Variants in TRDN observed in about 807,000 individuals in gnomAD.
The protein encoded by TRDN is triadin, also known as triadin in skeletal muscle.
TRDN carries 161 observed loss-of-function variants against 149.7 expected under a neutral mutation model. That is an observed-to-expected ratio of 1.08 (90% CI 0.95 to 1.23). The LOEUF (loss-of-function observed/expected upper bound fraction) is 1.23. Ranked by LOEUF, TRDN falls within the 50% of genes most tolerant of loss-of-function variation. The pLI, the probability that TRDN is intolerant of heterozygous loss-of-function variation, is 0.00. For missense variants in TRDN, 896 were observed against 823.5 expected (o/e 1.09, Z -1.08); for synonymous variants, 294 against 250.5 (o/e 1.17, Z -1.64).
At chr6:123,437,770 T>C (rs981754428) in intron 12 of TRDN, among the ~76,000 whole-genome samples, 5 of 152,120 alleles carry the variant, frequency 3.3e-5, no homozygotes, top group African/African-American at 1.2e-4. Flanking sequence ...AAAGCCAATA[T>C]GCAAAAACAG....
chr6:123,514,219 G>T (rs1438373093), intron 6 of TRDN, among the ~76,000 whole-genome samples: 1 of 151,998 alleles, frequency 6.6e-6, no homozygotes, highest in Non-Finnish European at 1.5e-5. Flanking sequence ...ACAAAAATTA[G>T]CTGGGTGTGG....
intron 21 of TRDN, chr6:123,350,242 ATAC>A: frequency 1.0e-6 from 1 of 962,446 alleles, no homozygotes; most frequent in Non-Finnish European, 1.2e-6. Context: ...AGAGAACTGA[ATAC>A]TACATTATTC....
At chr6:123,623,023 C>A (rs1057334713) in intron 1 of TRDN, among the ~76,000 whole-genome samples, 5 of 152,114 alleles carry the variant, frequency 3.3e-5, no homozygotes, top group Non-Finnish European at 7.4e-5. Flanking sequence ...TGCCTCTCCT[C>A]AAATTATGCT....
intron 10 of TRDN, among the ~76,000 whole-genome samples, chr6:123,448,334 C>T (rs35447298): frequency 0.14 from 20,730 of 152,056 alleles, 1,872 homozygotes; most frequent in South Asian, 0.28. Flanking sequence ...TGGGTAGCCT[C>T]GGGCAAGTTT....
At position 123,536,760 on chromosome 6, in the gene TRDN, C is replaced by T. The variant is rs111610800; in HGVS notation, c.425-6195G>A. Among the ~76,000 whole-genome samples the T allele has an allele frequency of 2.0e-3, 302 of 151,656 alleles. 2 individuals are homozygous for T. The highest frequency in any genetic ancestry group is 6.7e-3 in the African/African-American group (277 of 41,416). On this transcript the variant is annotated intron_variant, in intron 4 of 40. Coordinates refer to ENST00000334268, the MANE Select transcript of TRDN (RefSeq NM_006073.4). ...ATGAGCTGGGTGTGGTGGTGCACAA[C>T]TGTAGTCCAGCTACTTGGGAGGCTG...
intron 2 of TRDN, among the ~76,000 whole-genome samples, chr6:123,567,472 C>T (rs1460302232): frequency 6.6e-6 from 1 of 152,096 alleles, no homozygotes. Context: ...AAAAGAAGTT[C>T]ATTTGGCTCA....
chr6:123,239,517 G>A (rs1031834952), intron 38 of TRDN, among the ~76,000 whole-genome samples: 2 of 152,000 alleles, frequency 1.3e-5, no homozygotes, highest in Admixed American at 6.6e-5. Flanking sequence ...GATAAACACT[G>A]AACACATTTC....
chr6:123,539,867 T>G (rs2114391132), intron 4 of TRDN, among the ~76,000 whole-genome samples: 1 of 152,320 alleles, frequency 6.6e-6, no homozygotes, highest in Admixed American at 6.5e-5. Context: ...ATTACTCTTT[T>G]GGGTTGCAAT....
At chr6:123,502,690 T>C (rs4509143) in intron 8 of TRDN, 846,820 of 983,530 alleles carry the variant, frequency 0.86, 365,158 homozygotes, top group East Asian at 0.88. Flanking sequence ...TGCTCTGTAA[T>C]AAAATTGTAA....
At chr6:123,276,678 G>A (rs1777378266) in intron 26 of TRDN, among the ~76,000 whole-genome samples, 1 of 152,102 alleles carries the variant, frequency 6.6e-6, no homozygotes, top group South Asian at 2.1e-4. Flanking sequence ...AAATAGAGAT[G>A]TGGTTATCCA....
At chr6:123,529,683 A>T (rs1321626137) in intron 5 of TRDN, among the ~76,000 whole-genome samples, 1 of 151,996 alleles carries the variant, frequency 6.6e-6, no homozygotes, top group South Asian at 2.1e-4. Flanking sequence ...ACTGGATAAA[A>T]TTCCATTTTT....
chr6:123,625,363 G>C (rs1428324508), intron 1 of TRDN, among the ~76,000 whole-genome samples: 1 of 151,686 alleles, frequency 6.6e-6, no homozygotes, highest in African/African-American at 2.4e-5. Context: ...TTTTTTTTCT[G>C]TATCCTAGTG....
intron 21 of TRDN, among the ~76,000 whole-genome samples, chr6:123,339,550 G>T (rs181358929): frequency 4.7e-4 from 71 of 152,272 alleles, no homozygotes; most frequent in African/African-American, 1.7e-3. Context: ...ATCATTTACA[G>T]GTGCTGCAAA....
intron 23 of TRDN, among the ~76,000 whole-genome samples, chr6:123,325,323 C>T (rs1779400937): frequency 6.6e-6 from 1 of 151,804 alleles, no homozygotes; most frequent in Admixed American, 6.6e-5. Context: ...TTAAATCATG[C>T]TAAGAATTTA....
intron 4 of TRDN, among the ~76,000 whole-genome samples, chr6:123,531,543 A>G (rs1403155191): frequency 6.6e-6 from 1 of 152,116 alleles, no homozygotes; most frequent in East Asian, 1.9e-4. Context: ...TAAGGAGGTA[A>G]CCACCATTGT....
At chr6:123,461,592 T>C (rs1228068229) in intron 10 of TRDN, among the ~76,000 whole-genome samples, 3 of 152,176 alleles carry the variant, frequency 2.0e-5, no homozygotes, top group African/African-American at 7.2e-5. Flanking sequence ...TGATTAAAGA[T>C]GAATGGAATC....
chr6:123,257,512 T>C (rs1186948979), intron 35 of TRDN, among the ~76,000 whole-genome samples: 1 of 152,192 alleles, frequency 6.6e-6, no homozygotes, highest in Non-Finnish European at 1.5e-5. Flanking sequence ...ATTTCTGTTT[T>C]GGTACCAGTA....
intron 2 of TRDN, among the ~76,000 whole-genome samples, chr6:123,566,747 T>C (rs12527986): frequency 1.4e-4 from 22 of 152,322 alleles, no homozygotes; most frequent in African/African-American, 5.1e-4. Flanking sequence ...AAAGTTTGAA[T>C]TGTGTCTATC....
chr6:123,442,557 A>G (rs1249825064), intron 10 of TRDN, among the ~76,000 whole-genome samples: 6 of 89,684 alleles, frequency 6.7e-5, no homozygotes, highest in East Asian at 3.8e-4. Flanking sequence ...AAAAAAAAAA[A>G]AAAAGAAAAA....
Sources: allele counts gnomAD v4.1 joint callset (sites outside exome capture counted in the v4.1 genomes callset), GRCh38; gene constraint gnomAD v4.1.1; transcripts MANE v1.5; gene names NCBI Gene and HGNC (gene_info 2026-07-23, HGNC 2026-07-21).